The following TMTC4 variants were observed in gnomAD, a reference collection of about 807,000 sequenced individuals.
TMTC4 encodes the protein transmembrane O-mannosyltransferase targeting cadherins 4, also known as protein O-mannosyl-transferase TMTC4.
A neutral mutation model predicts 86.0 loss-of-function variants in TMTC4; 65 were observed. The ratio of observed to expected loss-of-function variants is 0.76; its 90% CI spans 0.62 to 0.93. The LOEUF is 0.93. TMTC4 is among the 40% of genes least tolerant of loss of function. The probability of loss-of-function intolerance (pLI) is 0.00; values close to 1 mark genes in which losing one functional copy is unlikely to be tolerated. For synonymous variants in TMTC4, 379 were observed against 382.5 expected (o/e 0.99, Z 0.11); for missense variants, 866 against 948.1 (o/e 0.91, Z 1.14).
intron 15 of TMTC4, among the ~76,000 whole-genome samples, chr13:100,622,600 T>C (rs1255515590): frequency 6.6e-6 from 1 of 152,146 alleles, no homozygotes; most frequent in Non-Finnish European, 1.5e-5. Flanking sequence ...TCTGCTGCCA[T>C]GTAAGATGTG....
intron 17 of TMTC4, 43 bp from the exon 18 acceptor site, chr13:100,606,470 T>C (rs1456433796): frequency 3.9e-6 from 6 of 1,546,704 alleles, no homozygotes; most frequent in African/African-American, 2.7e-5. Flanking sequence ...TTATTGTACA[T>C]GAAGCAAAAG....
chr13:100,626,350 G>T (rs1014660312), intron 12 of TMTC4, among the ~76,000 whole-genome samples, 200 bp from the exon 13 acceptor site: 1 of 152,168 alleles, frequency 6.6e-6, no homozygotes, highest in Non-Finnish European at 1.5e-5. Flanking sequence ...CAGAAGAAAG[G>T]GGGTATAGGC....
intron 17 of TMTC4, among the ~76,000 whole-genome samples, chr13:100,607,908 G>A (rs1346994992): frequency 1.3e-5 from 2 of 152,288 alleles, no homozygotes; most frequent in African/African-American, 2.4e-5. Flanking sequence ...CCTTCCAAGA[G>A]GGTCAAGACT....
intron 15 of TMTC4, among the ~76,000 whole-genome samples, chr13:100,617,516 G>A (rs978703033): frequency 6.6e-6 from 1 of 152,114 alleles, no homozygotes; most frequent in Non-Finnish European, 1.5e-5. Context: ...TTTGTGAAAG[G>A]TAGGGGTCCA....
intron 9 of TMTC4, among the ~76,000 whole-genome samples, 198 bp from the exon 10 acceptor site, chr13:100,636,932 T>A (rs959528544): frequency 6.6e-6 from 1 of 152,322 alleles, no homozygotes; most frequent in African/African-American, 2.4e-5. Context: ...GATTTTGGTA[T>A]ATAAAAATAT....
intron 3 of TMTC4, among the ~76,000 whole-genome samples, chr13:100,667,655 G>T: frequency 6.6e-6 from 1 of 152,062 alleles, no homozygotes; most frequent in South Asian, 2.1e-4. Context: ...ACATTTTTAA[G>T]AGCATTCAAC....
chr13:100,662,077 G>A (rs1885844485), intron 5 of TMTC4, among the ~76,000 whole-genome samples: 1 of 151,968 alleles, frequency 6.6e-6, no homozygotes, highest in Non-Finnish European at 1.5e-5. Flanking sequence ...ACACACAGAG[G>A]CAGCGCGATG....
rs76359327 is a variant in TMTC4 at position 100,660,979 on chromosome 13, G to A, written c.552+1985C>T. The stretch of plus-strand genomic sequence containing the variant: ...TAAAGCTGGAATTTTTAACTGCAGG[G>A]TAGGAGATAACAGGGGAATGCAGAC... On this transcript the variant is annotated intron_variant, in intron 5 of 18. Coordinates refer to ENST00000342624, the MANE Select transcript of TMTC4 (RefSeq NM_032813.5). Among the ~76,000 whole-genome samples, 638 of 152,256 alleles carry A rather than the reference G, an allele frequency of 4.2e-3. 7 individuals are homozygous for A. Among genetic ancestry groups the A allele is most frequent in the African/African-American group, 0.015 (620 of 41,536 alleles).
intron 7 of TMTC4, 74 bp downstream of exon 7, chr13:100,642,137 C>T: frequency 1.3e-6 from 2 of 1,509,286 alleles, no homozygotes; most frequent in Non-Finnish European, 9.1e-7. Flanking sequence ...GAGGCAGGGC[C>T]AGCCCCAGAT....
At chr13:100,656,732 C>T (rs1237482419) in intron 5 of TMTC4, among the ~76,000 whole-genome samples, 2 of 151,708 alleles carry the variant, frequency 1.3e-5, no homozygotes, top group Non-Finnish European at 2.9e-5. Flanking sequence ...TTTGTAGAGA[C>T]GGGGTTTCAC....
chr13:100,647,274 A>G (rs1241115498), intron 6 of TMTC4, among the ~76,000 whole-genome samples: 1 of 152,244 alleles, frequency 6.6e-6, no homozygotes, highest in Non-Finnish European at 1.5e-5. Flanking sequence ...AGATAAACAG[A>G]GCAAGAGACC....
chr13:100,647,008 C>T (rs1012160255), intron 6 of TMTC4, among the ~76,000 whole-genome samples: 8 of 152,124 alleles, frequency 5.3e-5, no homozygotes, highest in African/African-American at 1.9e-4. Flanking sequence ...GGGAAAGGGA[C>T]ACAAGCTTTA....
intron 1 of TMTC4, chr13:100,674,180 G>GCGC: frequency 1.0e-6 from 1 of 971,628 alleles, no homozygotes; most frequent in Non-Finnish European, 1.2e-6. Context: ...GGGCGCCCGG[G>GCGC]CCGGTGGCCC....
chr13:100,665,985 A>G (rs1260726023), intron 3 of TMTC4: 1 of 456,322 alleles, frequency 2.2e-6, no homozygotes, highest in African/African-American at 2.0e-5. Context: ...CTACACTCTT[A>G]CAGAAGTACC....
chr13:100,661,355 T>A (rs1239136979), intron 5 of TMTC4, among the ~76,000 whole-genome samples: 1 of 152,242 alleles, frequency 6.6e-6, no homozygotes, highest in Non-Finnish European at 1.5e-5. Context: ...TTGAAACCTT[T>A]TTATAAATCA....
chr13:100,621,061 T>A (rs1413590487), intron 15 of TMTC4, among the ~76,000 whole-genome samples: 6 of 152,210 alleles, frequency 3.9e-5, no homozygotes. Context: ...GTGTAATTAG[T>A]AAACAATATA....
At chr13:100,645,869 T>C (rs559503561) in intron 6 of TMTC4, among the ~76,000 whole-genome samples, 1 of 152,252 alleles carries the variant, frequency 6.6e-6, no homozygotes, top group East Asian at 1.9e-4. Context: ...CACAGAATGT[T>C]TAGCAGTACC....
At chr13:100,629,995 T>C (rs536515102) in intron 12 of TMTC4, among the ~76,000 whole-genome samples, 1 of 151,082 alleles carries the variant, frequency 6.6e-6, no homozygotes, top group African/African-American at 2.4e-5. Flanking sequence ...GTGAGAAAAT[T>C]AACTGTGGTC....
intron 1 of TMTC4, chr13:100,670,834 C>T (rs926078622): frequency 6.4e-6 from 1 of 155,210 alleles, no homozygotes; most frequent in Non-Finnish European, 1.4e-5. Context: ...TGCCTGCAGT[C>T]CCAGCTACTC....
Sources: gnomAD v4.1 joint callset for allele counts (sites outside exome capture counted in the v4.1 genomes callset) on GRCh38, gnomAD v4.1.1 for gene constraint, MANE v1.5 for transcripts, NCBI Gene and HGNC (gene_info 2026-07-23, HGNC 2026-07-21) for gene names.